The following ANK3 variants were observed in gnomAD, a reference collection of about 807,000 sequenced individuals.
The protein encoded by ANK3 is ankyrin-3.
ANK3 carries 57 observed loss-of-function variants against 370.9 expected under a neutral mutation model. That is an observed-to-expected ratio of 0.15 (90% CI 0.12 to 0.19). The LOEUF (loss-of-function observed/expected upper bound fraction) is 0.19. Ranked by LOEUF, ANK3 falls within the 10% of genes least tolerant of loss-of-function variation. The probability of loss-of-function intolerance (pLI) is 1.00; values close to 1 mark genes in which losing one functional copy is unlikely to be tolerated. For missense variants in ANK3, 4,439 were observed against 5,302.1 expected (o/e 0.84, Z 5.06); for synonymous variants, 1,929 against 1,946.3 (o/e 0.99, Z 0.23).
intron 16 of ANK3, among the ~76,000 whole-genome samples, chr10:60,193,521 G>T (rs375216246): frequency 4.6e-5 from 7 of 151,694 alleles, no homozygotes; most frequent in African/African-American, 1.7e-4. Flanking sequence ...CTGGGTAGGT[G>T]GTACATGCCT....
chr10:60,235,705 A>T (rs1201466735), intron 7 of ANK3, among the ~76,000 whole-genome samples: 1 of 151,920 alleles, frequency 6.6e-6, no homozygotes, highest in Non-Finnish European at 1.5e-5. Context: ...CTGGCTTCTT[A>T]TTCTTGTGTA....
At chr10:60,651,803 A>C (rs1373388484) in intron 1 of ANK3, among the ~76,000 whole-genome samples, 1 of 152,138 alleles carries the variant, frequency 6.6e-6, no homozygotes, top group Non-Finnish European at 1.5e-5. Flanking sequence ...TATAGGAAGC[A>C]CTATACAAGT....
At chr10:60,721,953 A>G (rs2079869694) in intron 1 of ANK3, among the ~76,000 whole-genome samples, 1 of 152,202 alleles carries the variant, frequency 6.6e-6, no homozygotes, top group Non-Finnish European at 1.5e-5. Flanking sequence ...CCAAGTGTAC[A>G]TACATTTTGA....
rs1264280865 is a variant in ANK3, at chr10:60,073,400, T to G, written c.7481A>C (p.Glu2494Ala). The G allele has an allele frequency of 3.1e-6, 5 of 1,613,812 alleles. No homozygotes were observed. The highest frequency in any genetic ancestry group is 3.3e-5 in the Admixed American group (2 of 59,984). ...GGACCGCTTATCAGACCCCTGTAACTCTGAGCTAGGGGGTCCTGCATGGTC... is the reference window on the plus strand; with the variant it reads ...GGACCGCTTATCAGACCCCTGTAACGCTGAGCTAGGGGGTCCTGCATGGTC... ...VTDHAGPPSS[E>A]LQGSDKRSRE... The change falls in exon 37 of 44, where the codon GAG becomes GCG. Residue 2494 changes from glutamate (E) to alanine (A), a missense_variant. This residue lies in a region of ANK3 where 1,601 missense variants were observed against 1,731.7 expected (regional missense o/e 0.92). Coordinates refer to ENST00000280772, the MANE Select transcript of ANK3 (RefSeq NM_020987.5).
chr10:60,054,244 G>C (rs1425016223), intron 42 of ANK3, among the ~76,000 whole-genome samples: 1 of 152,064 alleles, frequency 6.6e-6, no homozygotes, highest in Non-Finnish European at 1.5e-5. Flanking sequence ...TCTATATTTT[G>C]TGGGATCATT....
chr10:60,471,723 A>AT (rs1374726230), intron 2 of ANK3, among the ~76,000 whole-genome samples: 1 of 152,098 alleles, frequency 6.6e-6, no homozygotes, highest in East Asian at 1.9e-4. Flanking sequence ...GAAATTAATA[A>AT]TTTTTTACCT....
At position 60,166,820 on chromosome 10, in the gene ANK3, A is replaced by T. The variant is rs370707121; in HGVS notation, c.2551+4T>A. On this transcript the variant is annotated splice_donor_region_variant and intron_variant, in intron 22 of 43. Transcript: ENST00000280772. ...TATTGTGAACTCAAAGAACATTTTC[A>T]TACCTTCATCATCAGACATATCAAG... 6.2e-6 allele frequency: 10 copies of T among 1,613,566 alleles called. No individual in the cohort carries two copies. In the African/African-American group the frequency reaches 1.2e-4, roughly 19 times the overall value.
chr10:60,605,509 T>C (rs904094646), intron 2 of ANK3, among the ~76,000 whole-genome samples: 3 of 152,194 alleles, frequency 2.0e-5, no homozygotes, highest in African/African-American at 4.8e-5. Flanking sequence ...TAAGCATTTA[T>C]GAACTAGTTT....
intron 8 of ANK3, among the ~76,000 whole-genome samples, chr10:60,234,432 T>C (rs1025426565): frequency 2.0e-5 from 3 of 152,196 alleles, no homozygotes; most frequent in African/African-American, 7.2e-5. Context: ...TAGCTTACAG[T>C]GTCTTGAAAA....
At position 60,181,442 on chromosome 10, in the gene ANK3, A is replaced by AG. The variant is rs2096183782; in HGVS notation, c.2086-16_2086-15insC. On this transcript the variant is annotated splice_polypyrimidine_tract_variant and intron_variant, in intron 17 of 43. Coordinates refer to ENST00000280772, the MANE Select transcript of ANK3 (RefSeq NM_020987.5). ...GTCAGGCCGCTCTGCAAAAGATTCA[A>AG]AGGGCACAGTCATCGTACAGGAAGG... 1 of 1,610,512 alleles carries AG rather than the reference A, an allele frequency of 6.2e-7. No homozygotes were observed. Among genetic ancestry groups the AG allele is most frequent in the Non-Finnish European group, 8.5e-7 (1 of 1,176,732 alleles).
At chr10:60,105,505 T>C (rs925591797) in intron 28 of ANK3, among the ~76,000 whole-genome samples, 4 of 152,158 alleles carry the variant, frequency 2.6e-5, no homozygotes, top group Non-Finnish European at 5.9e-5. Context: ...TGGGAGAAAC[T>C]TGAAAAAGCT....
intron 41 of ANK3, among the ~76,000 whole-genome samples, chr10:60,058,917 G>T (rs2079759121): frequency 6.6e-6 from 1 of 152,090 alleles, no homozygotes; most frequent in Non-Finnish European, 1.5e-5. Context: ...ACCACACCCA[G>T]CTGATTTTTG....
intron 1 of ANK3, among the ~76,000 whole-genome samples, chr10:60,654,572 C>T (rs143150075): frequency 2.6e-5 from 4 of 152,212 alleles, no homozygotes; most frequent in South Asian, 2.1e-4. Context: ...TTCTCCTGTA[C>T]ATTATTGCTA....
At chr10:60,689,742 A>C (rs1189947191) in intron 1 of ANK3, among the ~76,000 whole-genome samples, 1 of 147,116 alleles carries the variant, frequency 6.8e-6, no homozygotes, top group Non-Finnish European at 1.5e-5. Flanking sequence ...GTGATGGAGC[A>C]AGACTTCATC....
chr10:60,494,157 G>A (rs2075595131), intron 2 of ANK3, among the ~76,000 whole-genome samples: 1 of 152,046 alleles, frequency 6.6e-6, no homozygotes, highest in South Asian at 2.1e-4. Flanking sequence ...TGGACTTTTG[G>A]TTATATGAGA....
chr10:60,684,910 C>T, intron 1 of ANK3: 2 of 1,495,500 alleles, frequency 1.3e-6, no homozygotes, highest in Non-Finnish European at 9.2e-7. Flanking sequence ...TGCTAATAAA[C>T]AAGACTTGGA....
intron 2 of ANK3, among the ~76,000 whole-genome samples, chr10:60,559,491 A>T (rs1430749386): frequency 6.6e-6 from 1 of 152,202 alleles, no homozygotes; most frequent in East Asian, 1.9e-4. Flanking sequence ...AAACTGTGCT[A>T]GCTACTTGAC....
intron 2 of ANK3, among the ~76,000 whole-genome samples, chr10:60,476,580 C>G (rs537100077): frequency 6.6e-6 from 1 of 152,246 alleles, no homozygotes; most frequent in African/African-American, 2.4e-5. Flanking sequence ...TAGGCACTAA[C>G]CATATGTTTT....
intron 42 of ANK3, chr10:60,043,141 A>C: frequency 2.0e-6 from 2 of 996,388 alleles, no homozygotes; most frequent in African/African-American, 3.5e-5. Context: ...GTACTAATCC[A>C]TGGAAATGCT....
Sources: allele counts gnomAD v4.1 joint callset (sites outside exome capture counted in the v4.1 genomes callset), GRCh38; gene constraint gnomAD v4.1.1; regional missense constraint gnomAD v4.1.1; transcripts MANE v1.5; gene names NCBI Gene and HGNC (gene_info 2026-07-23, HGNC 2026-07-21).